The following PHACTR1 variants were observed in gnomAD, a reference collection of about 807,000 sequenced individuals.
PHACTR1 encodes RPEL repeat containing 1.
PHACTR1 carries 16 observed loss-of-function variants against 69.2 expected under a neutral mutation model. That is an observed-to-expected ratio of 0.23 (90% CI 0.16 to 0.35). PHACTR1 has a LOEUF of 0.35. Among genes scored for constraint, PHACTR1 ranks in the 10% least tolerant of loss-of-function variants. PHACTR1 has a pLI of 1.00. For missense variants in PHACTR1, 510 were observed against 734.7 expected (o/e 0.69, Z 3.54); for synonymous variants, 312 against 284.5 (o/e 1.10, Z -0.97).
intron 4 of PHACTR1, chr6:12,957,944 CTCAA>C: frequency 1.0e-6 from 1 of 985,136 alleles, no homozygotes; most frequent in Non-Finnish European, 1.2e-6. Context: ...GAGACTGTTG[CTCAA>C]TTTAAGAAAG....
rs1779374977 is a variant in PHACTR1, at chr6:13,278,302, A to G, written c.1482A>G (p.Arg494=). 1.2e-6 allele frequency: 2 copies of G among 1,600,502 alleles called. No individual in the cohort carries two copies. The highest frequency in any genetic ancestry group is 2.2e-5 in the East Asian group (1 of 44,450). Residue 494 remains arginine (R), a synonymous_variant, in exon 12 of 15, where the codon AGA becomes AGG. Coordinates refer to ENST00000332995, the MANE Select transcript of PHACTR1 (RefSeq NM_030948.6). ...RNEQEEQEEK[R]EIKRRLTRKL... ...AACAAGAGGAACAGGAGGAGAAGAGAGAGATCAAGAGGAGGCTAACCCGAA... is the reference window on the plus strand; with the variant it reads ...AACAAGAGGAACAGGAGGAGAAGAGGGAGATCAAGAGGAGGCTAACCCGAA...
At chr6:12,718,916 G>A (rs1761748922) in intron 3 of PHACTR1, 69 bp downstream of exon 3, 3 of 915,374 alleles carry the variant, frequency 3.3e-6, no homozygotes, top group East Asian at 2.7e-5. Context: ...CATGTAGGCT[G>A]TAGCTGTTAA....
intron 4 of PHACTR1, among the ~76,000 whole-genome samples, chr6:13,022,390 T>G (rs143471011): frequency 1.4e-4 from 22 of 152,250 alleles, no homozygotes; most frequent in African/African-American, 5.3e-4. Flanking sequence ...CTATGGCCCA[T>G]GGGCCCTCTG....
chr6:13,085,913 A>G (rs1350150768), intron 5 of PHACTR1, among the ~76,000 whole-genome samples: 1 of 151,968 alleles, frequency 6.6e-6, no homozygotes, highest in African/African-American at 2.4e-5. Flanking sequence ...ATCACCTTAA[A>G]TGTATACCTT....
chr6:13,186,224 C>T (rs1261077978), intron 7 of PHACTR1, among the ~76,000 whole-genome samples: 2 of 152,320 alleles, frequency 1.3e-5, no homozygotes, highest in African/African-American at 2.4e-5. Flanking sequence ...GTCCCATAAG[C>T]CTCCTTCTAG....
chr6:12,765,047 GTT>G (rs998601339), intron 4 of PHACTR1, among the ~76,000 whole-genome samples: 3 of 152,150 alleles, frequency 2.0e-5, no homozygotes, highest in African/African-American at 7.2e-5. Context: ...ATATTTCAGA[GTT>G]ATTAGAATTT....
intron 10 of PHACTR1, among the ~76,000 whole-genome samples, chr6:13,265,757 A>G (rs1776601650): frequency 6.6e-6 from 1 of 152,096 alleles, no homozygotes; most frequent in Non-Finnish European, 1.5e-5. Flanking sequence ...ATGATATGAC[A>G]TTTTAGTCCT....
intron 4 of PHACTR1, among the ~76,000 whole-genome samples, chr6:12,787,828 G>A (rs1321477913): frequency 6.6e-6 from 1 of 152,122 alleles, no homozygotes; most frequent in Non-Finnish European, 1.5e-5. Flanking sequence ...TATTCCAGAG[G>A]GCACTTGGGG....
At chr6:12,757,701 A>G (rs2127605684) in intron 4 of PHACTR1, among the ~76,000 whole-genome samples, 1 of 152,286 alleles carries the variant, frequency 6.6e-6, no homozygotes, top group South Asian at 2.1e-4. Flanking sequence ...CATAGGTTTC[A>G]CCTGAGCAGT....
intron 4 of PHACTR1, among the ~76,000 whole-genome samples, chr6:12,767,081 C>G (rs1768713768): frequency 6.6e-6 from 1 of 152,182 alleles, no homozygotes; most frequent in African/African-American, 2.4e-5. Flanking sequence ...AATGGATTGC[C>G]TTTTGCAGTC....
At chr6:12,891,472 T>C (rs894423089) in intron 4 of PHACTR1, among the ~76,000 whole-genome samples, 1 of 152,160 alleles carries the variant, frequency 6.6e-6, no homozygotes, top group Non-Finnish European at 1.5e-5. Context: ...ATTTTTATCA[T>C]GAGGAAACAA....
At chr6:13,107,903 G>C (rs1207172476) in intron 5 of PHACTR1, among the ~76,000 whole-genome samples, 1 of 151,650 alleles carries the variant, frequency 6.6e-6, no homozygotes, top group African/African-American at 2.4e-5. Context: ...TTGATTTCTA[G>C]TCTTTATTAT....
chr6:13,211,978 C>G (rs1150618), intron 8 of PHACTR1, among the ~76,000 whole-genome samples: 1 of 152,154 alleles, frequency 6.6e-6, no homozygotes, highest in Non-Finnish European at 1.5e-5. Flanking sequence ...CAGTTCTGGA[C>G]GCTAGAAGTC....
At chr6:13,057,176 G>A (rs1806919838) in intron 5 of PHACTR1, among the ~76,000 whole-genome samples, 1 of 152,180 alleles carries the variant, frequency 6.6e-6, no homozygotes, top group African/African-American at 2.4e-5. Context: ...ATAACTGTTT[G>A]AGATGATGGA....
chr6:12,830,885 T>G (rs571312149), intron 4 of PHACTR1, among the ~76,000 whole-genome samples: 6 of 152,240 alleles, frequency 3.9e-5, no homozygotes, highest in Non-Finnish European at 7.4e-5. Flanking sequence ...CATGAGCCAC[T>G]GTACCTGGCC....
At chr6:13,183,686 G>A (rs1221337864) in intron 7 of PHACTR1, among the ~76,000 whole-genome samples, 1 of 152,170 alleles carries the variant, frequency 6.6e-6, no homozygotes, top group Admixed American at 6.5e-5. Context: ...GGCGGTGGCG[G>A]GAGGTGAGAG....
intron 8 of PHACTR1, among the ~76,000 whole-genome samples, chr6:13,220,297 A>G (rs954577748): frequency 1.3e-5 from 2 of 152,224 alleles, no homozygotes; most frequent in African/African-American, 2.4e-5. Flanking sequence ...TCCCTATTAC[A>G]TTTGTCAAGA....
At chr6:13,234,464 C>G (rs775219992) in intron 10 of PHACTR1, among the ~76,000 whole-genome samples, 4 of 151,976 alleles carry the variant, frequency 2.6e-5, no homozygotes, top group Non-Finnish European at 2.9e-5. Flanking sequence ...GTCTGTGGTC[C>G]TCATGGAGTC....
intron 4 of PHACTR1, among the ~76,000 whole-genome samples, chr6:12,841,131 G>A (rs890726665): frequency 6.6e-6 from 1 of 152,204 alleles, no homozygotes; most frequent in Non-Finnish European, 1.5e-5. Flanking sequence ...TCTTTGGGTA[G>A]AGTTACTTCA....
Sources: gnomAD v4.1 joint callset for allele counts (sites outside exome capture counted in the v4.1 genomes callset) on GRCh38, gnomAD v4.1.1 for gene constraint, MANE v1.5 for transcripts, NCBI Gene and HGNC (gene_info 2026-07-23, HGNC 2026-07-21) for gene names.